The following MARCHF6 variants were observed in gnomAD, a reference collection of about 807,000 sequenced individuals.
MARCHF6 encodes the protein E3 ubiquitin-protein ligase MARCHF6.
A neutral mutation model predicts 133.7 loss-of-function variants in MARCHF6; 31 were observed. The observed-to-expected ratio is 0.23, with a 90% CI of 0.17 to 0.31. MARCHF6 has a LOEUF of 0.31. Ranked by LOEUF, MARCHF6 falls within the 10% of genes least tolerant of loss-of-function variation. The pLI is 1.00. For synonymous variants in MARCHF6, 395 were observed against 402.5 expected, an observed-to-expected ratio of 0.98 and a Z score of 0.22; for missense variants, 723 against 1,121.6, an observed-to-expected ratio of 0.64 and a Z score of 5.08.
intron 1 of MARCHF6, chr5:10,354,821 C>T (rs1161383566): frequency 6.6e-6 from 1 of 152,022 alleles, no homozygotes; most frequent in African/African-American, 2.4e-5. Flanking sequence ...CGTCTTTCAA[C>T]CTTATGGGTT....
chr5:10,416,427 T>G (rs913305504), intron 21 of MARCHF6, among the ~76,000 whole-genome samples: 1 of 152,246 alleles, frequency 6.6e-6, no homozygotes, highest in Admixed American at 6.5e-5. Context: ...ATTCATTATA[T>G]ATTATGGAGG....
intron 15 of MARCHF6, among the ~76,000 whole-genome samples, chr5:10,404,039 ATTTATTTAT>A (rs1478647097): frequency 5.2e-5 from 2 of 38,718 alleles, no homozygotes; most frequent in East Asian, 9.6e-4. Context: ...ACCTTTATTT[ATTTATTTAT>A]TTATTTATTT....
chr5:10,387,411 T>A (rs1003998529), intron 5 of MARCHF6, among the ~76,000 whole-genome samples: 19 of 151,924 alleles, frequency 1.3e-4, no homozygotes, highest in African/African-American at 4.6e-4. Context: ...CAAGCGATTC[T>A]CTTGCCTCAG....
chr5:10,354,312 C>T (rs1405049274), intron 1 of MARCHF6, among the ~76,000 whole-genome samples: 1 of 152,188 alleles, frequency 6.6e-6, no homozygotes, highest in African/African-American at 2.4e-5. Flanking sequence ...GTCCTTCTGC[C>T]TATTGCTCGC....
At chr5:10,416,218 C>T (rs997898012) in intron 21 of MARCHF6, among the ~76,000 whole-genome samples, 1 of 152,072 alleles carries the variant, frequency 6.6e-6, no homozygotes, top group African/African-American at 2.4e-5. Flanking sequence ...TATCTGAGTG[C>T]AGTGATTTAT....
At chr5:10,373,724 C>T (rs1232354804) in intron 1 of MARCHF6, among the ~76,000 whole-genome samples, 1 of 152,168 alleles carries the variant, frequency 6.6e-6, no homozygotes, top group Admixed American at 6.5e-5. Context: ...TTCCTACTTG[C>T]ACAGCCATCT....
rs1183965206 is a variant in MARCHF6, at chr5:10,390,531, TTAGG to T, written c.576+37_576+40del. 3.1e-6 allele frequency: 5 copies of T among 1,596,594 alleles called. No individual in the cohort carries two copies. The African/African-American group carries it at 4.0e-5, about 13-fold the overall frequency. On this transcript the variant is annotated intron_variant, in intron 6 of 25. Transcript: ENST00000274140. ...TCCCCTACCCCAAAATTGATTTTAC[TTAGG>T]TAGGTCATGAGAATTATTGTTTCTC...
intron 7 of MARCHF6, 125 bp from the exon 8 acceptor site, chr5:10,393,957 T>C (rs778672853): frequency 3.0e-5 from 13 of 428,044 alleles, no homozygotes; most frequent in Admixed American, 1.3e-4. Context: ...AGTATGGAAA[T>C]GTGGCTTAGC....
chr5:10,412,681 T>C (rs1739298589), intron 19 of MARCHF6, among the ~76,000 whole-genome samples: 1 of 152,146 alleles, frequency 6.6e-6, no homozygotes, highest in South Asian at 2.1e-4. Context: ...CAAGCGATCC[T>C]CCTACCTACT....
At chr5:10,419,069 C>G (rs1438141867) in intron 22 of MARCHF6, among the ~76,000 whole-genome samples, 1 of 152,130 alleles carries the variant, frequency 6.6e-6, no homozygotes, top group East Asian at 1.9e-4. Context: ...GAACTGCCTC[C>G]TTTCTAGTCT....
intron 1 of MARCHF6, among the ~76,000 whole-genome samples, chr5:10,369,191 T>C (rs188194524): frequency 1.4e-3 from 209 of 152,340 alleles, no homozygotes; most frequent in Non-Finnish European, 2.2e-3. Flanking sequence ...GTAAGTTACA[T>C]GTCCATGCCT....
intron 4 of MARCHF6, among the ~76,000 whole-genome samples, chr5:10,383,312 G>T (rs1410056631): frequency 6.6e-6 from 1 of 152,104 alleles, no homozygotes; most frequent in Non-Finnish European, 1.5e-5. Context: ...AGTTCCACAA[G>T]GTAAAAGAGA....
chr5:10,377,052 G>T (rs1490638952), intron 1 of MARCHF6, among the ~76,000 whole-genome samples: 2 of 152,150 alleles, frequency 1.3e-5, no homozygotes, highest in Non-Finnish European at 2.9e-5. Context: ...GAGTGCGAAG[G>T]ATCCGTCGCG....
chr5:10,376,265 C>T (rs1329495788), intron 1 of MARCHF6, among the ~76,000 whole-genome samples: 2 of 152,214 alleles, frequency 1.3e-5, no homozygotes, highest in African/African-American at 4.8e-5. Flanking sequence ...GCCAGCGAGA[C>T]CACGAGCCCA....
chr5:10,367,882 G>A (rs1736229641), intron 1 of MARCHF6, among the ~76,000 whole-genome samples: 1 of 152,142 alleles, frequency 6.6e-6, no homozygotes, highest in Non-Finnish European at 1.5e-5. Flanking sequence ...AATTGCTACA[G>A]GATTAAATAG....
chr5:10,354,025 C>G, intron 1 of MARCHF6, 108 bp downstream of exon 1: 1 of 1,157,398 alleles, frequency 8.6e-7, no homozygotes, highest in Non-Finnish European at 1.1e-6. Context: ...GCGGGGCGGA[C>G]GCCTGGGCCG....
Position 10,405,694 on chromosome 5 carries a change from ATTGT to A in MARCHF6, c.1452+20_1452+23del. 5 of 1,545,784 alleles carry A rather than the reference ATTGT, an allele frequency of 3.2e-6. No homozygotes were observed. The highest frequency in any genetic ancestry group is 4.3e-6 in the Non-Finnish European group (5 of 1,155,798). ...TTGTCAGTGGTAAGAAGATGTTTCC[ATTGT>A]TTTTTTTTTTTGAATTAATTGTGCT... On this transcript the variant is annotated intron_variant, in intron 16 of 25. Transcript: ENST00000274140.
chr5:10,389,971 C>G (rs1310876217), intron 5 of MARCHF6, among the ~76,000 whole-genome samples: 1 of 152,120 alleles, frequency 6.6e-6, no homozygotes, highest in Non-Finnish European at 1.5e-5. Flanking sequence ...AATGCATGGC[C>G]TTTGTCAAGT....
At chr5:10,361,436 ATGAT>A (rs998743314) in intron 1 of MARCHF6, among the ~76,000 whole-genome samples, 15 of 152,226 alleles carry the variant, frequency 9.9e-5, no homozygotes, top group African/African-American at 3.4e-4. Context: ...TGGCTTGTAG[ATGAT>A]TGTCTTCTGT....
Sources: gnomAD v4.1 joint callset for allele counts (sites outside exome capture counted in the v4.1 genomes callset) on GRCh38, gnomAD v4.1.1 for gene constraint, MANE v1.5 for transcripts, NCBI Gene and HGNC (gene_info 2026-07-23, HGNC 2026-07-21) for gene names.